The following ZFYVE16 variants were observed in gnomAD, a reference collection of about 807,000 sequenced individuals.
ZFYVE16 encodes zinc finger FYVE-type containing 16.
A neutral mutation model predicts 138.1 loss-of-function variants in ZFYVE16; 89 were observed. The observed-to-expected ratio is 0.64, with a 90% confidence interval of 0.54 to 0.77. The LOEUF (loss-of-function observed/expected upper bound fraction) is 0.77, where lower values mean the gene tolerates loss of function less well. ZFYVE16 is among the 30% of genes least tolerant of loss of function. The pLI is 0.00. For missense variants in ZFYVE16, 1,793 were observed against 1,786.7 expected (o/e 1.00, Z -0.06); for synonymous variants, 596 against 618.3 (o/e 0.96, Z 0.53).
Position 80,479,206 on chromosome 5 carries a change from T to C in ZFYVE16, c.*1829T>C, listed in dbSNP as rs1334936293. ...TACTTATTTGGTCATTGGTACTTAA[T>C]TTGAAATTTTAATTTTTTAAGAGAA... is the stretch of plus-strand genomic sequence containing the variant. On this transcript the variant is annotated 3_prime_UTR_variant, in exon 19 of 19. Coordinates refer to ENST00000505560, the MANE Select transcript of ZFYVE16 (RefSeq NM_001284236.3). The C allele has an allele frequency of 6.6e-6, 1 of 152,204 alleles. No individual in the cohort carries two copies. The highest frequency in any genetic ancestry group is 1.5e-5 in the Non-Finnish European group (1 of 68,024). 9.4% of individuals were successfully genotyped at this position (152,204 alleles called of 1,614,324 possible).
At chr5:80,449,550 A>C in intron 8 of ZFYVE16, 41 bp from the exon 9 acceptor site, 1 of 1,562,362 alleles carries the variant, frequency 6.4e-7, no homozygotes, top group South Asian at 1.2e-5. Flanking sequence ...CATATTTAAC[A>C]GGATATTTAT....
chr5:80,445,632 G>A (rs1003957020), intron 7 of ZFYVE16, among the ~76,000 whole-genome samples: 3 of 149,574 alleles, frequency 2.0e-5, no homozygotes, highest in African/African-American at 4.9e-5. Context: ...ATAATTACCA[G>A]TCACTGCAGG....
chr5:80,424,495 T>C (rs1009343871), intron 1 of ZFYVE16, among the ~76,000 whole-genome samples: 1 of 148,274 alleles, frequency 6.7e-6, no homozygotes, highest in Admixed American at 6.8e-5. Context: ...AGGATCTTGC[T>C]CTGTTGCCCA....
intron 2 of ZFYVE16, among the ~76,000 whole-genome samples, chr5:80,429,548 G>A (rs1003658422): frequency 6.6e-6 from 1 of 152,092 alleles, no homozygotes; most frequent in Admixed American, 6.6e-5. Context: ...ATCAACTAAC[G>A]AGCAAAATCA....
At chr5:80,435,148 C>G (rs952914620) in intron 3 of ZFYVE16, among the ~76,000 whole-genome samples, 1 of 152,208 alleles carries the variant, frequency 6.6e-6, no homozygotes, top group African/African-American at 2.4e-5. Flanking sequence ...GATTCTCCTG[C>G]CTCAGCCTCC....
intron 2 of ZFYVE16, among the ~76,000 whole-genome samples, chr5:80,428,355 T>C (rs1306293456): frequency 1.3e-5 from 2 of 152,004 alleles, no homozygotes; most frequent in East Asian, 1.9e-4. Flanking sequence ...GGGTCTGGAG[T>C]AGACCTCCAG....
chr5:80,434,275 TATCTC>T, intron 3 of ZFYVE16, 58 bp downstream of exon 3: 1 of 1,567,540 alleles, frequency 6.4e-7, no homozygotes, highest in Non-Finnish European at 8.8e-7. Flanking sequence ...GTAATTAAGT[TATCTC>T]AGGTATACAG....
At chr5:80,475,374 G>C (rs952590683) in intron 18 of ZFYVE16, among the ~76,000 whole-genome samples, 1 of 152,352 alleles carries the variant, frequency 6.6e-6, no homozygotes, top group East Asian at 1.9e-4. Context: ...TGTGTAACTG[G>C]TGGACTCTGG....
chr5:80,418,738 CTT>C (rs1367320469), intron 1 of ZFYVE16, among the ~76,000 whole-genome samples: 1 of 152,156 alleles, frequency 6.6e-6, no homozygotes, highest in African/African-American at 2.4e-5. Context: ...TTAACAGTAT[CTT>C]TTGCAGAGTG....
In ZFYVE16 at chr5:80,431,379, A is replaced by G. The variant is rs1176874325; in HGVS notation, c.-39-2730A>G. On this transcript the variant is annotated intron_variant, in intron 2 of 18. Coordinates refer to ENST00000505560, the MANE Select transcript of ZFYVE16 (RefSeq NM_001284236.3). The stretch of plus-strand genomic sequence containing the variant: ...TAGATGCAGAAAAGGCCTTTGACAA[A>G]ATTCAATGGCCCTTCATGCCAAAAC... Among the ~76,000 whole-genome samples, 3 of 152,226 alleles carry G rather than the reference A, an allele frequency of 2.0e-5. No individual in the cohort carries two copies. The East Asian group carries it at 5.8e-4, about 29-fold the overall frequency.
intron 12 of ZFYVE16, 97 bp from the exon 13 acceptor site, chr5:80,456,364 T>G: frequency 1.1e-6 from 1 of 933,506 alleles, no homozygotes; most frequent in African/African-American, 1.7e-5. Flanking sequence ...TGATATTCTT[T>G]ATTACTGCTG....
intron 15 of ZFYVE16, among the ~76,000 whole-genome samples, chr5:80,469,094 C>G (rs1338605137): frequency 1.5e-5 from 2 of 136,594 alleles, no homozygotes; most frequent in South Asian, 2.3e-4. Context: ...TTCTTTCTCT[C>G]TTTTTTTTTT....
chr5:80,452,351 C>T (rs1353895695), intron 11 of ZFYVE16: 1 of 147,230 alleles, frequency 6.8e-6, no homozygotes, highest in African/African-American at 2.5e-5. Context: ...AGGAGAATCA[C>T]CTGAACCCAG....
chr5:80,408,996 C>T (rs867132568), intron 1 of ZFYVE16, among the ~76,000 whole-genome samples: 25 of 152,038 alleles, frequency 1.6e-4, no homozygotes, highest in Non-Finnish European at 3.4e-4. Context: ...TCCTTTTTTT[C>T]CTCTCCTGGA....
intron 10 of ZFYVE16, 131 bp from the exon 11 acceptor site, chr5:80,451,354 T>A (rs928287479): frequency 3.0e-6 from 2 of 666,460 alleles, no homozygotes; most frequent in African/African-American, 3.7e-5. Flanking sequence ...GTGTCTTAAC[T>A]TCAGACAGTT....
Position 80,424,818 on chromosome 5 carries a change from G to A in ZFYVE16, c.-93-2674G>A, listed in dbSNP as rs1036873625. ...TTATTTTGTGCACTCTTCTATGTGCGTGGTATAACCACAATTTAAAAATTG... is the reference window on the plus strand; with the variant it reads ...TTATTTTGTGCACTCTTCTATGTGCATGGTATAACCACAATTTAAAAATTG... On this transcript the variant is annotated intron_variant, in intron 1 of 18. Coordinates refer to ENST00000505560, the MANE Select transcript of ZFYVE16 (RefSeq NM_001284236.3). 1.5e-4 allele frequency among the ~76,000 whole-genome samples: 23 copies of A among 152,150 alleles called. No homozygotes were observed. The South Asian group carries it at 2.1e-3, about 14-fold the overall frequency.
chr5:80,423,219 T>G (rs968657043), intron 1 of ZFYVE16, among the ~76,000 whole-genome samples: 3 of 152,180 alleles, frequency 2.0e-5, no homozygotes, highest in Non-Finnish European at 2.9e-5. Context: ...GTAGGGATTT[T>G]GGGTTATCTG....
Position 80,436,852 on chromosome 5 carries a change from T to C in ZFYVE16, c.167T>C (p.Leu56Pro). ...GCTTCCTCACAGCGAACTTCATTGC[T>C]CCCAAAAGACCAAGAGTGCGTTAAT... ...ELASSQRTSL[L>P]PKDQECVNSC... Residue 56 changes from leucine (L) to proline (P), a missense_variant, in exon 4 of 19, where the codon CTC (leucine) becomes CCC (proline). Physicochemically the swap from Leu to Pro is moderately conservative, Grantham distance 98. Transcript: ENST00000505560. 1.2e-6 allele frequency: 2 copies of C among 1,614,072 alleles called. No homozygotes were observed. Among genetic ancestry groups the C allele is most frequent in the Non-Finnish European group, 1.7e-6 (2 of 1,180,008 alleles).
chr5:80,416,273 T>G (rs1286059722), intron 1 of ZFYVE16, among the ~76,000 whole-genome samples: 1 of 61,194 alleles, frequency 1.6e-5, no homozygotes, highest in Admixed American at 2.0e-4. Context: ...TTTTTTTTTT[T>G]GAGACAAAGT....
Sources: allele counts gnomAD v4.1 joint callset (sites outside exome capture counted in the v4.1 genomes callset), GRCh38; gene constraint gnomAD v4.1.1; transcripts MANE v1.5; gene names NCBI Gene and HGNC (gene_info 2026-07-23, HGNC 2026-07-21).